FRMD4B: variants seen among roughly 807,000 people sequenced by gnomAD.
The protein encoded by FRMD4B is FERM domain-containing protein 4B.
In FRMD4B, 74 loss-of-function variants were observed where a neutral mutation model predicts 141.5. The observed-to-expected ratio is 0.52, with a 90% CI of 0.43 to 0.63. The LOEUF (loss-of-function observed/expected upper bound fraction) is 0.63. Among genes scored for constraint, FRMD4B ranks in the 30% least tolerant of loss-of-function variants. The probability of loss-of-function intolerance (pLI) is 0.00; values close to 1 mark genes in which losing one functional copy is unlikely to be tolerated. For synonymous variants in FRMD4B, 506 were observed against 467.9 expected, an observed-to-expected ratio of 1.08 and a Z score of -1.05; for missense variants, 1,366 against 1,253.4, an observed-to-expected ratio of 1.09 and a Z score of -1.36.
At chr3:69,459,669 C>T (rs1705679782) in intron 1 of FRMD4B, among the ~76,000 whole-genome samples, 1 of 152,130 alleles carries the variant, frequency 6.6e-6, no homozygotes, top group African/African-American at 2.4e-5. Flanking sequence ...TGAACCAATC[C>T]CTGCCTCGGT....
chr3:69,517,883 C>T (rs1700790560), intron 1 of FRMD4B, among the ~76,000 whole-genome samples: 1 of 152,094 alleles, frequency 6.6e-6, no homozygotes, highest in Non-Finnish European at 1.5e-5. Context: ...ACTTAAGTGT[C>T]CATGAACATC....
chr3:69,410,718 AATAAATAAATATATATATATATATAT>A (rs1451636323), intron 2 of FRMD4B, among the ~76,000 whole-genome samples: 3 of 72,446 alleles, frequency 4.1e-5, no homozygotes, highest in African/African-American at 1.1e-4. Context: ...TAAATAAATA[AATAAATAAATATATATATATATATAT>A]ATATATATAT....
intron 1 of FRMD4B, among the ~76,000 whole-genome samples, chr3:69,365,244 C>G (rs899786181): frequency 6.6e-6 from 1 of 152,310 alleles, no homozygotes; most frequent in East Asian, 1.9e-4. Flanking sequence ...AAATTGTTCT[C>G]AAACCAATTT....
intron 1 of FRMD4B, chr3:69,536,171 G>A (rs1339752980): frequency 3.7e-6 from 2 of 539,764 alleles, no homozygotes; most frequent in East Asian, 3.7e-5. Flanking sequence ...TGGCCTCTTC[G>A]CTGCCTTCTT....
At chr3:69,448,402 T>A (rs1705443169) in intron 1 of FRMD4B, among the ~76,000 whole-genome samples, 2 of 152,246 alleles carry the variant, frequency 1.3e-5, no homozygotes, top group South Asian at 4.1e-4. Flanking sequence ...ATTGTGAGAT[T>A]CTATGATCAG....
Position 69,314,553 on chromosome 3 carries a change from G to T in FRMD4B, c.163-1036C>A, listed in dbSNP as rs149468593. Among the ~76,000 whole-genome samples the T allele has an allele frequency of 1.6e-3, 240 of 149,880 alleles. 2 individuals carry two copies. Among genetic ancestry groups the T allele is most frequent in the Non-Finnish European group, 1.6e-3 (110 of 67,696 alleles). On this transcript the variant is annotated intron_variant, in intron 1 of 22. Transcript: ENST00000398540. Reference sequence around the variant, plus strand: ...AAAAAAAAAAAAAAGCCTTTATTCAGCTGGGTACAGTGGCTCACGCCTGTA... The same window carrying T: ...AAAAAAAAAAAAAAGCCTTTATTCATCTGGGTACAGTGGCTCACGCCTGTA...
At chr3:69,224,734 A>G (rs1037439704) in intron 7 of FRMD4B, 44 bp from the exon 8 acceptor site, 2 of 911,860 alleles carry the variant, frequency 2.2e-6, no homozygotes, top group East Asian at 2.6e-5. Flanking sequence ...CTGTTATCCA[A>G]AAAATTATGC....
intron 1 of FRMD4B, among the ~76,000 whole-genome samples, chr3:69,444,005 G>A (rs1705375338): frequency 6.6e-6 from 1 of 151,898 alleles, no homozygotes; most frequent in African/African-American, 2.4e-5. Flanking sequence ...GCATTTTGAT[G>A]ACTAACTTCA....
At chr3:69,540,636 A>AAAAT (rs1553652109) in intron 1 of FRMD4B, among the ~76,000 whole-genome samples, 15 of 69,564 alleles carry the variant, frequency 2.2e-4, no homozygotes, top group African/African-American at 4.2e-4. Flanking sequence ...AAAAAAAAAA[A>AAAAT]ATATATATAT....
intron 1 of FRMD4B, among the ~76,000 whole-genome samples, chr3:69,443,297 T>C (rs1559528900): frequency 6.6e-6 from 1 of 152,182 alleles, no homozygotes; most frequent in Admixed American, 6.5e-5. Context: ...CATTCACTTT[T>C]TGGGAGAGCG....
chr3:69,429,087 T>C (rs1260780952), intron 2 of FRMD4B, among the ~76,000 whole-genome samples: 1 of 152,244 alleles, frequency 6.6e-6, no homozygotes, highest in African/African-American at 2.4e-5. Context: ...TTGAGAGATC[T>C]ACCCTGACAC....
chr3:69,529,832 T>C (rs921937352), intron 1 of FRMD4B, among the ~76,000 whole-genome samples: 1 of 152,198 alleles, frequency 6.6e-6, no homozygotes, highest in East Asian at 1.9e-4. Context: ...ACAACTGAAA[T>C]GCAGAGAGGT....
At chr3:69,298,029 C>T (rs928236800) in intron 4 of FRMD4B, among the ~76,000 whole-genome samples, 1 of 152,294 alleles carries the variant, frequency 6.6e-6, no homozygotes. Context: ...TTCTGAGCTG[C>T]TCCCTCTATC....
chr3:69,493,787 G>A (rs962003909), intron 1 of FRMD4B, among the ~76,000 whole-genome samples: 2 of 152,134 alleles, frequency 1.3e-5, no homozygotes, highest in African/African-American at 4.8e-5. Context: ...CCAGGGTGAG[G>A]GACATAATTG....
intron 7 of FRMD4B, among the ~76,000 whole-genome samples, chr3:69,229,659 G>A (rs1319104655): frequency 1.3e-5 from 2 of 152,068 alleles, no homozygotes; most frequent in Non-Finnish European, 2.9e-5. Context: ...ATGGCCAACA[G>A]AAAAAAGTGT....
At chr3:69,272,058 T>G (rs1456266821) in intron 5 of FRMD4B, among the ~76,000 whole-genome samples, 2 of 152,188 alleles carry the variant, frequency 1.3e-5, no homozygotes, top group Non-Finnish European at 2.9e-5. Flanking sequence ...TCAAACCAGC[T>G]CTGATGTTTA....
At chr3:69,257,979 A>G (rs2093503179) in intron 5 of FRMD4B, among the ~76,000 whole-genome samples, 1 of 152,096 alleles carries the variant, frequency 6.6e-6, no homozygotes, top group South Asian at 2.1e-4. Context: ...GGTGCGTGCC[A>G]CCACACCAGG....
At chr3:69,317,559 C>T (rs543656381) in intron 1 of FRMD4B, among the ~76,000 whole-genome samples, 1 of 152,020 alleles carries the variant, frequency 6.6e-6, no homozygotes, top group East Asian at 1.9e-4. Flanking sequence ...CCAGCCTGGC[C>T]AACATGGTAA....
chr3:69,208,586 T>C (rs1206883846), intron 11 of FRMD4B, among the ~76,000 whole-genome samples: 1 of 152,144 alleles, frequency 6.6e-6, no homozygotes, highest in African/African-American at 2.4e-5. Context: ...CTTTATGAGC[T>C]TTCTGCCCTT....
Sources: gnomAD v4.1 joint callset for allele counts (sites outside exome capture counted in the v4.1 genomes callset) on GRCh38, gnomAD v4.1.1 for gene constraint, MANE v1.5 for transcripts, NCBI Gene and HGNC (gene_info 2026-07-23, HGNC 2026-07-21) for gene names.